The following FAF1 variants were observed in gnomAD, a reference collection of about 807,000 sequenced individuals.
FAF1 encodes Fas associated factor 1.
Under a neutral mutation model 92.5 loss-of-function variants are expected in FAF1, and 25 were observed. That is an observed-to-expected ratio of 0.27 (90% CI 0.20 to 0.38). FAF1 has a LOEUF of 0.38. Ranked by LOEUF, FAF1 falls within the 10% of genes least tolerant of loss-of-function variation. FAF1 has a pLI of 1.00. For missense variants in FAF1, 636 were observed against 793.3 expected, an observed-to-expected ratio of 0.80 and a Z score of 2.38; for synonymous variants, 234 against 273.2, an observed-to-expected ratio of 0.86 and a Z score of 1.42.
intron 1 of FAF1, among the ~76,000 whole-genome samples, chr1:50,894,250 G>T (rs574032980): frequency 5.1e-5 from 7 of 136,742 alleles, no homozygotes; most frequent in African/African-American, 1.9e-4. Flanking sequence ...AGTGAGCCAA[G>T]ATCACACGAC....
At chr1:50,713,252 A>AATGAAACAGTT (rs753302308) in intron 6 of FAF1, among the ~76,000 whole-genome samples, 5,446 of 143,266 alleles carry the variant, frequency 0.038, 291 homozygotes, top group African/African-American at 0.13. Context: ...TGAAACAGTT[A>AATGAAACAGTT]AAAAAAAAAA....
intron 8 of FAF1, 71 bp downstream of exon 8, chr1:50,655,371 C>T: frequency 1.0e-6 from 1 of 994,054 alleles, no homozygotes; most frequent in South Asian, 1.3e-5. Flanking sequence ...TGCTTATTAT[C>T]AAAGCCAATT....
chr1:50,896,276 C>T (rs114702551), intron 1 of FAF1, among the ~76,000 whole-genome samples: 2,092 of 151,776 alleles, frequency 0.014, 45 homozygotes, highest in African/African-American at 0.047. Flanking sequence ...TAGAGTGAGA[C>T]CCTGTCTAAA....
chr1:50,577,053 C>G (rs935321923), intron 12 of FAF1, among the ~76,000 whole-genome samples: 1 of 152,146 alleles, frequency 6.6e-6, no homozygotes, highest in African/African-American at 2.4e-5. Flanking sequence ...CAGCATCATG[C>G]CTAGCAATGC....
chr1:50,559,092 A>G (rs1448153011), intron 13 of FAF1, among the ~76,000 whole-genome samples: 1 of 152,126 alleles, frequency 6.6e-6, no homozygotes, highest in East Asian at 1.9e-4. Context: ...CTCTACTAAA[A>G]ATACAAAAAT....
At chr1:50,577,775 A>G (rs940538628) in intron 12 of FAF1, among the ~76,000 whole-genome samples, 3 of 152,224 alleles carry the variant, frequency 2.0e-5, no homozygotes, top group Non-Finnish European at 4.4e-5. Flanking sequence ...CAAGGAAGGA[A>G]GTCATAAAAC....
rs559361690 is a variant in FAF1, at chr1:50,826,915, G to A, written c.115-25238C>T. ...AGGAGCGCCTCTGCCCAGCCGCCCC[G>A]TCTGGGAAGTGAGGAGCGCCTGTGC... On this transcript the variant is annotated intron_variant, in intron 2 of 18. Transcript: ENST00000396153. 5.7e-4 allele frequency among the ~76,000 whole-genome samples: 86 copies of A among 150,810 alleles called. 1 individual carries two copies. The East Asian group carries it at 7.5e-3, about 13-fold the overall frequency.
intron 9 of FAF1, among the ~76,000 whole-genome samples, chr1:50,589,409 G>A (rs1210318010): frequency 1.3e-5 from 2 of 152,138 alleles, no homozygotes; most frequent in Non-Finnish European, 2.9e-5. Flanking sequence ...GGGGAAGGGA[G>A]AGGAGTGGTA....
In FAF1 at chr1:50,480,415, G is replaced by A. The variant is rs527283559; in HGVS notation, c.1654-4736C>T. Among the ~76,000 whole-genome samples, 4 of 152,316 alleles carry A rather than the reference G, an allele frequency of 2.6e-5. No individual in the cohort carries two copies. The East Asian group carries it at 7.7e-4, about 29-fold the overall frequency. On this transcript the variant is annotated intron_variant, in intron 17 of 18. Transcript: ENST00000396153. ...ACAACCTCTAGGTTTCTATGAGTATGTATAAATAACGGTTTATAGCTGGCT... is the reference window on the plus strand; with the variant it reads ...ACAACCTCTAGGTTTCTATGAGTATATATAAATAACGGTTTATAGCTGGCT...
At chr1:50,466,972 A>G (rs773477509) in intron 18 of FAF1, among the ~76,000 whole-genome samples, 4 of 152,198 alleles carry the variant, frequency 2.6e-5, no homozygotes, top group African/African-American at 4.8e-5. Context: ...TTCAACTGCT[A>G]TCTCTTTTAC....
chr1:50,662,830 A>G (rs1242273145), intron 7 of FAF1, among the ~76,000 whole-genome samples: 2 of 147,948 alleles, frequency 1.4e-5, no homozygotes, highest in African/African-American at 5.3e-5. Flanking sequence ...CCTCCCGAGT[A>G]GCTGGGACTG....
chr1:50,944,402 C>A (rs927946430), intron 1 of FAF1, among the ~76,000 whole-genome samples: 32 of 152,152 alleles, frequency 2.1e-4, no homozygotes, highest in Non-Finnish European at 1.8e-4. Context: ...CTTCTCTAAA[C>A]CTCCTGGGGT....
chr1:50,551,076 A>G (rs1279141283), intron 13 of FAF1, among the ~76,000 whole-genome samples: 1 of 152,200 alleles, frequency 6.6e-6, no homozygotes, highest in Non-Finnish European at 1.5e-5. Flanking sequence ...ATAAATATTC[A>G]TATCTATTTG....
intron 15 of FAF1, among the ~76,000 whole-genome samples, chr1:50,531,427 A>G (rs1648162304): frequency 6.6e-6 from 1 of 152,186 alleles, no homozygotes; most frequent in Non-Finnish European, 1.5e-5. Context: ...AAAACAGTGC[A>G]TATAAAAAAA....
chr1:50,764,000 C>A (rs559735220), intron 4 of FAF1, among the ~76,000 whole-genome samples: 2 of 152,174 alleles, frequency 1.3e-5, no homozygotes, highest in Admixed American at 6.5e-5. Flanking sequence ...ACAGAAGTAA[C>A]ATACTGCAAC....
chr1:50,493,986 GCCAT>G (rs1487198205), intron 15 of FAF1, among the ~76,000 whole-genome samples: 1 of 152,168 alleles, frequency 6.6e-6, no homozygotes, highest in Non-Finnish European at 1.5e-5. Flanking sequence ...GATATGAAAG[GCCAT>G]CAAATACAGG....
At chr1:50,513,460 A>C (rs1647164541) in intron 15 of FAF1, among the ~76,000 whole-genome samples, 2 of 152,172 alleles carry the variant, frequency 1.3e-5, no homozygotes, top group African/African-American at 4.8e-5. Context: ...ATTGCACTCC[A>C]GTCTGGGTGA....
At position 50,910,208 on chromosome 1, in the gene FAF1, A is replaced by G. The variant is rs192596607; in HGVS notation, c.45+49559T>C. The stretch of plus-strand genomic sequence containing the variant: ...GGCAGCAGAAAAGCAAATATTGCAG[A>G]ACGGCAAATGTTGCTGCCTTATCCT... On this transcript the variant is annotated intron_variant, in intron 1 of 18. Coordinates refer to ENST00000396153, the MANE Select transcript of FAF1 (RefSeq NM_007051.3). 2.2e-3 allele frequency among the ~76,000 whole-genome samples: 334 copies of G among 152,292 alleles called. 3 individuals are homozygous for G. The highest frequency in any genetic ancestry group is 7.9e-3 in the African/African-American group (330 of 41,558).
chr1:50,522,044 C>A (rs534283437), intron 15 of FAF1, among the ~76,000 whole-genome samples: 24 of 152,120 alleles, frequency 1.6e-4, no homozygotes, highest in Admixed American at 5.9e-4. Context: ...TAAACAGGGA[C>A]GGTATGGATA....
Sources: allele counts gnomAD v4.1 joint callset (sites outside exome capture counted in the v4.1 genomes callset), GRCh38; gene constraint gnomAD v4.1.1; transcripts MANE v1.5; gene names NCBI Gene and HGNC (gene_info 2026-07-23, HGNC 2026-07-21).